Variants in TEX11 observed in about 807,000 individuals in gnomAD.
TEX11 encodes the protein testis-expressed protein 11.
In TEX11, 7 loss-of-function variants were observed where a neutral mutation model predicts 84.4. That is an observed-to-expected ratio of 0.08 (90% confidence interval 0.05 to 0.16). The LOEUF (loss-of-function observed/expected upper bound fraction) is 0.16. TEX11 is among the 10% of genes least tolerant of loss of function. The probability of loss-of-function intolerance (pLI) is 1.00; values close to 1 mark genes in which losing one functional copy is unlikely to be tolerated. For missense variants in TEX11, 551 were observed against 660.5 expected, an observed-to-expected ratio of 0.83 and a Z score of 1.82; for synonymous variants, 264 against 222.8, an observed-to-expected ratio of 1.18 and a Z score of -1.64.
At chrX:70,516,035 G>A in the TEX11 span, among the ~76,000 whole-genome samples, 1 of 112,027 alleles carries the variant, frequency 8.9e-6, no homozygotes, top group Non-Finnish European at 1.9e-5. Flanking sequence ...TTTGTCAGAA[G>A]AGTAGGTTGC....
chrX:70,861,656 G>A (rs1231984765), intron 4 of TEX11, among the ~76,000 whole-genome samples: 3 of 109,377 alleles, frequency 2.7e-5, no homozygotes, highest in Non-Finnish European at 5.7e-5. Context: ...TAGTAGAGAC[G>A]GGGACTCACC....
chrX:70,611,294 G>C (rs2089257730), intron 20 of TEX11, among the ~76,000 whole-genome samples: 1 of 111,916 alleles, frequency 8.9e-6, no homozygotes, highest in Non-Finnish European at 1.9e-5. Context: ...AGGAAAAAGG[G>C]AAAACCACTG....
At chrX:70,753,215 A>AG (rs2090842423) in intron 9 of TEX11, among the ~76,000 whole-genome samples, 1 of 7,084 alleles carries the variant, frequency 1.4e-4, no homozygotes, top group African/African-American at 4.5e-4. Context: ...GTGGGCGGCG[A>AG]GGGGGGCGGG....
rs768856343 is a variant in TEX11 at position 70,678,858 on chromosome X, T to A, written c.1188A>T (p.Glu396Asp). Reference protein sequence around the residue: ...AHQTGRQLTAESMNWLHNILW... With the variant: ...AHQTGRQLTADSMNWLHNILW... Reference sequence around the variant, plus strand: ...GAATGTTGTGTAACCAGTTCATTGATTCTGCTGTCAGTTGTCTTCCTGTTT... The same window carrying A: ...GAATGTTGTGTAACCAGTTCATTGAATCTGCTGTCAGTTGTCTTCCTGTTT... The change falls in exon 15 of 30, where the codon GAA becomes GAT. Residue 396 changes from glutamate to aspartate, a missense_variant. Physicochemically the swap from Glu to Asp is conservative, Grantham distance 45 (BLOSUM62 2). Coordinates refer to ENST00000374333, the MANE Select transcript of TEX11 (RefSeq NM_031276.3). 1 of 1,200,730 alleles carries A rather than the reference T, an allele frequency of 8.3e-7. No individual in the cohort carries two copies. Among genetic ancestry groups the A allele is most frequent in the South Asian group, 1.8e-5 (1 of 55,516 alleles).
intron 8 of TEX11, among the ~76,000 whole-genome samples, chrX:70,809,996 A>G (rs2091242851): frequency 8.9e-6 from 1 of 112,352 alleles, no homozygotes. Context: ...ATGAACAGAC[A>G]CTTCTCAAAA....
At chrX:70,760,806 A>G (rs143882876) in intron 9 of TEX11, among the ~76,000 whole-genome samples, 1,938 of 111,857 alleles carry the variant, frequency 0.017, 19 homozygotes, top group Non-Finnish European at 0.026. Context: ...AGATACTATC[A>G]TCAGAGTGAA....
intron 20 of TEX11, among the ~76,000 whole-genome samples, chrX:70,616,704 T>A (rs2089321644): frequency 8.9e-6 from 1 of 111,954 alleles, no homozygotes; most frequent in African/African-American, 3.2e-5. Flanking sequence ...AGAAAATAAT[T>A]GAGATCCTGT....
rs1049811905 is a variant in TEX11, at chrX:70,846,881, G to A, written c.525+6153C>T. ...AGAGATTTCAGTGAGCTGAGATCACGCCACTGCACTACAACCTAGGCAACA... is the reference window on the plus strand; with the variant it reads ...AGAGATTTCAGTGAGCTGAGATCACACCACTGCACTACAACCTAGGCAACA... On this transcript the variant is annotated intron_variant, in intron 7 of 29. Coordinates refer to ENST00000374333, the MANE Select transcript of TEX11 (RefSeq NM_031276.3). Among the ~76,000 whole-genome samples, 13 of 111,156 alleles carry A rather than the reference G, an allele frequency of 1.2e-4. No homozygotes were observed. The South Asian group carries it at 1.5e-3, about 13-fold the overall frequency.
chrX:70,694,030 A>G (rs1269174576), intron 13 of TEX11, among the ~76,000 whole-genome samples: 1 of 111,063 alleles, frequency 9.0e-6, no homozygotes, highest in Non-Finnish European at 1.9e-5. Flanking sequence ...AAATATTGAA[A>G]GGAGCTTCAT....
intron 8 of TEX11, among the ~76,000 whole-genome samples, chrX:70,832,680 G>A (rs960010081): frequency 9.0e-6 from 1 of 111,546 alleles, no homozygotes; most frequent in African/African-American, 3.3e-5. Flanking sequence ...GTAGGCATAG[G>A]CGCTGAAATA....
At position 70,816,372 on chromosome X, in the gene TEX11, G is replaced by A. The variant is rs761301138; in HGVS notation, c.607-9582C>T. On this transcript the variant is annotated intron_variant, in intron 8 of 29. Transcript: ENST00000374333. ...TTATAGTTCTATAATTTTCCAGGGG[G>A]ACAGAGATTCTGAGGACTGAGTGGT... 3.6e-5 allele frequency among the ~76,000 whole-genome samples: 4 copies of A among 111,459 alleles called. No homozygotes were observed. The South Asian group carries it at 1.5e-3, about 43-fold the overall frequency.
At chrX:70,828,578 A>C (rs1260568739) in intron 8 of TEX11, among the ~76,000 whole-genome samples, 1 of 111,271 alleles carries the variant, frequency 9.0e-6, no homozygotes, top group East Asian at 2.8e-4. Context: ...AGCATGAAGC[A>C]TACCTACATG....
chrX:70,727,998 C>G (rs2090612673), intron 11 of TEX11, among the ~76,000 whole-genome samples: 1 of 112,778 alleles, frequency 8.9e-6, no homozygotes, highest in Admixed American at 9.4e-5. Context: ...TTGAACTTCA[C>G]TTAAACAGAA....
At chrX:70,753,950 C>T (rs1274031929) in intron 9 of TEX11, among the ~76,000 whole-genome samples, 1 of 106,945 alleles carries the variant, frequency 9.4e-6, no homozygotes, top group Non-Finnish European at 1.9e-5. Flanking sequence ...ATAGTCAGGT[C>T]CTACGTCGAG....
the TEX11 span, among the ~76,000 whole-genome samples, chrX:70,513,450 T>C: frequency 9.4e-6 from 1 of 106,017 alleles, no homozygotes. Flanking sequence ...AATATATATA[T>C]AATGAAATGG....
At chrX:70,752,677 C>G (rs538258997) in intron 9 of TEX11, among the ~76,000 whole-genome samples, 2 of 110,513 alleles carry the variant, frequency 1.8e-5, no homozygotes, top group South Asian at 3.9e-4. Context: ...CTCCACCAAT[C>G]GTCCCTCCTG....
At chrX:70,829,932 AAATAT>A (rs2091368120) in intron 8 of TEX11, among the ~76,000 whole-genome samples, 1 of 111,654 alleles carries the variant, frequency 9.0e-6, no homozygotes. Flanking sequence ...GGAAAGAAAG[AAATAT>A]AATAGAATAA....
intron 5 of TEX11, among the ~76,000 whole-genome samples, chrX:70,859,109 C>T (rs1452325571): frequency 9.0e-6 from 1 of 110,503 alleles, no homozygotes; most frequent in African/African-American, 3.3e-5. Context: ...ATAGAAGAAA[C>T]AAGAGTGGCC....
intron 2 of TEX11, among the ~76,000 whole-genome samples, chrX:70,901,087 G>T (rs188820634): frequency 9.0e-6 from 1 of 111,547 alleles, no homozygotes; most frequent in Non-Finnish European, 1.9e-5. Context: ...GAATGGTGGC[G>T]CATGCCTATA....
Sources: gnomAD v4.1 joint callset for allele counts (sites outside exome capture counted in the v4.1 genomes callset) on GRCh38, gnomAD v4.1.1 for gene constraint, MANE v1.5 for transcripts, NCBI Gene and HGNC (gene_info 2026-07-23, HGNC 2026-07-21) for gene names.